The following NPHP4 variants were observed in gnomAD, a reference collection of about 807,000 sequenced individuals.
The protein encoded by NPHP4 is nephrocystin-4.
In NPHP4, 151 loss-of-function variants were observed where a neutral mutation model predicts 155.8. That is an observed-to-expected ratio of 0.97 (90% CI 0.85 to 1.11). The LOEUF is 1.11. Among genes scored for constraint, NPHP4 ranks in the 50% least tolerant of loss-of-function variants. The pLI is 0.00. For synonymous variants in NPHP4, 845 were observed against 816.8 expected (o/e 1.03, Z -0.59); for missense variants, 1,956 against 1,925.7 (o/e 1.02, Z -0.29).
intron 2 of NPHP4, among the ~76,000 whole-genome samples, chr1:5,982,219 G>A (rs1404600629): frequency 6.6e-6 from 1 of 151,926 alleles, no homozygotes; most frequent in Non-Finnish European, 1.5e-5. Flanking sequence ...ATACAGTCAT[G>A]TGTAACATAA....
At position 5,890,146 on chromosome 1, in the gene NPHP4, A is replaced by G. The variant is rs1228440897; in HGVS notation, c.2304+722T>C. 6.6e-6 allele frequency among the ~76,000 whole-genome samples: 1 copy of G among 152,162 alleles called. No homozygotes were observed. The highest frequency in any genetic ancestry group is 2.4e-5 in the African/African-American group (1 of 41,436). ...TCAGGAATCCAGGAGGAAAGCAGCT[A>G]TGCGGCACTCAAGAAAAGTGGGGAA... On this transcript the variant is annotated intron_variant, in intron 17 of 29. Coordinates refer to ENST00000378156, the MANE Select transcript of NPHP4 (RefSeq NM_015102.5). The surrounding 1 kb of genome is among the most constrained non-coding windows in gnomAD (Gnocchi z 4.9).
intron 16 of NPHP4, among the ~76,000 whole-genome samples, chr1:5,899,772 G>A (rs1361526087): frequency 6.6e-6 from 1 of 152,096 alleles, no homozygotes; most frequent in African/African-American, 2.4e-5. Flanking sequence ...TCACTAAAAT[G>A]AAAAACTTCA....
intron 19 of NPHP4, among the ~76,000 whole-genome samples, chr1:5,878,155 A>G (rs1305229194): frequency 6.6e-6 from 1 of 152,198 alleles, no homozygotes; most frequent in African/African-American, 2.4e-5. Flanking sequence ...AACTTCCCAC[A>G]GGAAACCAAT....
chr1:5,905,528 A>T lies in NPHP4; in HGVS notation c.1764-45T>A. 2 of 1,594,838 alleles carry T rather than the reference A, an allele frequency of 1.3e-6. No individual in the cohort carries two copies. The highest frequency in any genetic ancestry group is 1.7e-6 in the Non-Finnish European group (2 of 1,165,264). On this transcript the variant is annotated intron_variant, in intron 14 of 29. Transcript: ENST00000378156. This position sits in a 1 kb window ranked among gnomAD's most constrained non-coding sequence, Gnocchi z 4.0. ...CAGGTAGCCTCCCGGGAAAGGGGGGACCCATTGATGCACCTCCCTGTGGAA... is the reference window on the plus strand; with the variant it reads ...CAGGTAGCCTCCCGGGAAAGGGGGGTCCCATTGATGCACCTCCCTGTGGAA...
chr1:5,988,780 C>T (rs11120977), intron 1 of NPHP4, among the ~76,000 whole-genome samples: 17,867 of 151,574 alleles, frequency 0.12, 1,351 homozygotes, highest in Non-Finnish European at 0.17. Context: ...CCACAGTGCA[C>T]CCAGACGCTG....
At chr1:5,869,184 C>T (rs1296224249) in intron 23 of NPHP4, among the ~76,000 whole-genome samples, 1 of 146,944 alleles carries the variant, frequency 6.8e-6, no homozygotes, top group East Asian at 2.0e-4. Flanking sequence ...ACACAATGCA[C>T]ACATACATGC....
At chr1:5,863,717 G>A in intron 29 of NPHP4, 173 bp downstream of exon 29, 2 of 686,904 alleles carry the variant, frequency 2.9e-6, no homozygotes, top group Non-Finnish European at 5.0e-6. Flanking sequence ...TAAATCTCCA[G>A]CTACTAAAGA....
At chr1:5,970,290 A>G (rs1024876581) in intron 3 of NPHP4, among the ~76,000 whole-genome samples, 1 of 152,162 alleles carries the variant, frequency 6.6e-6, no homozygotes, top group African/African-American at 2.4e-5. Context: ...GGATCACTTG[A>G]GCTCAGGAGT....
At chr1:5,982,015 G>C (rs1032115441) in intron 2 of NPHP4, among the ~76,000 whole-genome samples, 18 of 151,854 alleles carry the variant, frequency 1.2e-4, no homozygotes, top group African/African-American at 4.1e-4. Flanking sequence ...TCTTCCTTTA[G>C]TATCTGATAA....
At chr1:5,938,217 G>T (rs894305759) in intron 9 of NPHP4, among the ~76,000 whole-genome samples, 1 of 152,228 alleles carries the variant, frequency 6.6e-6, no homozygotes, top group Non-Finnish European at 1.5e-5. Flanking sequence ...CCGATGGCTC[G>T]CTCGCTGGCC....
intron 1 of NPHP4, among the ~76,000 whole-genome samples, chr1:5,987,508 T>C (rs913039127): frequency 6.6e-6 from 1 of 151,956 alleles, no homozygotes; most frequent in Middle Eastern, 3.2e-3. Context: ...GGGGCCTCAC[T>C]CAACCCAAGG....
chr1:5,927,601 G>A, intron 11 of NPHP4, 48 bp downstream of exon 11: 1 of 1,562,762 alleles, frequency 6.4e-7, no homozygotes, highest in Non-Finnish European at 8.7e-7. Flanking sequence ...AGAGATGGAA[G>A]TGCTGCCTGC....
In NPHP4 at chr1:5,874,777, C is replaced by T. The variant is rs1287638; in HGVS notation, c.3044+97G>A. On this transcript the variant is annotated intron_variant, in intron 21 of 29. Transcript: ENST00000378156. ...GTGGGAGAGAGAAGTCAAATCGCCC[C>T]GGCTCTCGGGCAGAATTCGAGCCAG... 0.51 allele frequency: 764,453 copies of T among 1,510,902 alleles called. 200,395 individuals are homozygous for T. Among genetic ancestry groups the T allele is most frequent in the African/African-American group, 0.6 (43,223 of 72,412 alleles). 93.6% of individuals were successfully genotyped at this position (1,510,902 alleles called of 1,614,324 possible).
chr1:5,914,257 CAAAAA>C lies in NPHP4; in HGVS notation c.1442-5049_1442-5045del, dbSNP rs575438284. Among the ~76,000 whole-genome samples, 417 of 47,314 alleles carry C rather than the reference CAAAAA, an allele frequency of 8.8e-3. 1 individual carries two copies. Among genetic ancestry groups the C allele is most frequent in the African/African-American group, 0.024 (388 of 16,116 alleles). The allele number at this position is 47,314 out of a possible 152,430, so 31.0% of individuals were successfully genotyped here. A position where few individuals can be genotyped will look rare whatever the true frequency, so the allele number is the denominator to read the frequency against. The stretch of plus-strand genomic sequence containing the variant: ...GCAACATGGCAAAATCTTATCTATA[CAAAAA>C]AAAAAAAAAAAAAAAAAAAAAAAAG... On this transcript the variant is annotated intron_variant, in intron 11 of 29. Coordinates refer to ENST00000378156, the MANE Select transcript of NPHP4 (RefSeq NM_015102.5).
rs41280798 is a variant in NPHP4 at position 5,873,275 on chromosome 1, C to T, written c.3292G>A (p.Ala1098Thr). 1,616 of 1,613,888 alleles carry T rather than the reference C, an allele frequency of 1.0e-3. 1 individual carries two copies. The highest frequency in any genetic ancestry group is 1.3e-3 in the Non-Finnish European group (1,493 of 1,179,776). The change falls in exon 23 of 30, where the codon GCA becomes ACA. Residue 1098 changes from alanine to threonine, a missense_variant. Transcript: ENST00000378156. ...MDAVSPWKSS[A>T]VPTKHAKVLF... ...ACCTTGGCGTGTTTAGTGGGCACTG[C>T]GCTGGACTTCCAAGGTGACACGGCG...
chr1:5,898,889 A>G (rs1644529822), intron 16 of NPHP4, among the ~76,000 whole-genome samples: 1 of 152,102 alleles, frequency 6.6e-6, no homozygotes, highest in Admixed American at 6.5e-5. Context: ...TGGGCAGGGG[A>G]CCTGAACACA....
In NPHP4 at chr1:5,877,304, A is replaced by T. The variant is rs936540788; in HGVS notation, c.2612-6T>A. On this transcript the variant is annotated splice_polypyrimidine_tract_variant and splice_region_variant and intron_variant, in intron 19 of 29. Coordinates refer to ENST00000378156, the MANE Select transcript of NPHP4 (RefSeq NM_015102.5). ...TGCTTGCACCACGTGTTTTCCTGCG[A>T]AAGGGTCAGAGCGCGAGTCAGGTAG... The T allele has an allele frequency of 1.3e-6, 2 of 1,586,122 alleles. No individual in the cohort carries two copies. The highest frequency in any genetic ancestry group is 2.7e-5 in the African/African-American group (2 of 74,560).
chr1:5,972,708 G>A (rs965578866), intron 3 of NPHP4, among the ~76,000 whole-genome samples: 4 of 152,108 alleles, frequency 2.6e-5, no homozygotes, highest in African/African-American at 9.7e-5. Flanking sequence ...GTCAGGAGGA[G>A]CTTATTTTTT....
At chr1:5,911,436 G>A (rs138086885) in intron 11 of NPHP4, among the ~76,000 whole-genome samples, 3,145 of 152,302 alleles carry the variant, frequency 0.021, 110 homozygotes, top group African/African-American at 0.071. Flanking sequence ...GCGGGCACTC[G>A]GGGGCCAGCC....
Sources: gnomAD v4.1 joint callset for allele counts (sites outside exome capture counted in the v4.1 genomes callset) on GRCh38, gnomAD v4.1.1 for gene constraint, Gnocchi (gnomAD v3.1) non-coding constraint, MANE v1.5 for transcripts, NCBI Gene and HGNC (gene_info 2026-07-23, HGNC 2026-07-21) for gene names.